Variants in NSD2 observed in about 807,000 individuals in gnomAD.
The protein encoded by NSD2 is nuclear receptor binding SET domain protein 2.
Under a neutral mutation model 139.0 loss-of-function variants are expected in NSD2, and 12 were observed. That is an observed-to-expected ratio of 0.09 (90% CI 0.06 to 0.14). The LOEUF (loss-of-function observed/expected upper bound fraction) is 0.14, where lower values mean the gene tolerates loss of function less well. Ranked by LOEUF, NSD2 falls within the 10% of genes least tolerant of loss-of-function variation. The pLI is 1.00. For missense variants in NSD2, 1,155 were observed against 1,745.0 expected (o/e 0.66, Z 6.02); for synonymous variants, 669 against 648.7 (o/e 1.03, Z -0.48).
intron 7 of NSD2, 50 bp from the exon 8 acceptor site, chr4:1,938,397 TTTTC>T: frequency 1.6e-6 from 2 of 1,270,638 alleles, no homozygotes; most frequent in South Asian, 1.8e-5. Flanking sequence ...CCTTTTTTTC[TTTTC>T]TTTTTTTTTT....
At chr4:1,961,440 C>G (rs1725358414) in intron 18 of NSD2, among the ~76,000 whole-genome samples, 2 of 152,200 alleles carry the variant, frequency 1.3e-5, no homozygotes, top group Non-Finnish European at 2.9e-5. Flanking sequence ...GTAGAGAGGA[C>G]ACAGATGAGG....
At chr4:1,885,129 T>A (rs28361409) in intron 1 of NSD2, among the ~76,000 whole-genome samples, 2 of 150,626 alleles carry the variant, frequency 1.3e-5, no homozygotes, top group African/African-American at 2.5e-5. Context: ...AAAATAAAAA[T>A]AAAAAAAATA....
At chr4:1,882,930 T>A (rs775745761) in intron 1 of NSD2, among the ~76,000 whole-genome samples, 1 of 152,182 alleles carries the variant, frequency 6.6e-6, no homozygotes, top group Non-Finnish European at 1.5e-5. Flanking sequence ...AGCTACTGTC[T>A]GAATTTCCTG....
At chr4:1,901,293 C>T (rs369098444) in intron 2 of NSD2, 42 bp downstream of exon 2, 24 of 1,509,580 alleles carry the variant, frequency 1.6e-5, no homozygotes, top group African/African-American at 5.6e-5. Flanking sequence ...TGACCTTGAG[C>T]AGTGAGCATG....
At position 1,974,368 on chromosome 4, in the gene NSD2, G is replaced by A. The variant is rs924277929; in HGVS notation, c.3373-495G>A. 2.0e-5 allele frequency among the ~76,000 whole-genome samples: 3 copies of A among 151,918 alleles called. No individual in the cohort carries two copies. The highest frequency in any genetic ancestry group is 2.9e-5 in the Non-Finnish European group (2 of 67,982). On this transcript the variant is annotated intron_variant, in intron 18 of 21. Transcript: ENST00000508803. This position sits in a 1 kb window ranked among gnomAD's most constrained non-coding sequence, Gnocchi z 4.0. ...TGAGATTACAGGCAGCCACCACCAC[G>A]CCCAGCTAATTTTTTTTGTATTTTT... is the stretch of plus-strand genomic sequence containing the variant.
intron 1 of NSD2, among the ~76,000 whole-genome samples, chr4:1,878,251 ATTTTTTTTTTTTTTTTTTTT>A (rs71589624): frequency 1.4e-4 from 4 of 29,314 alleles, no homozygotes; most frequent in African/African-American, 5.9e-4. Flanking sequence ...ATATATATAT[ATTTTTTTTTTTTTTTTTTTT>A]TTTTTTTTTT....
At chr4:1,941,794 T>C in intron 9 of NSD2, 2 of 1,050,930 alleles carry the variant, frequency 1.9e-6, no homozygotes, top group South Asian at 9.1e-5. Context: ...CTGTTAAAAC[T>C]ACTTTAGGTG....
intron 9 of NSD2, chr4:1,947,730 C>T: frequency 9.5e-7 from 1 of 1,052,406 alleles, no homozygotes; most frequent in Non-Finnish European, 1.1e-6. Flanking sequence ...TCCTTCTTTA[C>T]AAAACCATCA....
At chr4:1,941,721 A>T in intron 9 of NSD2, 3 of 1,047,120 alleles carry the variant, frequency 2.9e-6, no homozygotes, top group Non-Finnish European at 3.5e-6. Flanking sequence ...GGTCTTTTCC[A>T]TTAAACTACT....
At chr4:1,876,952 G>A (rs1714307493) in intron 1 of NSD2, among the ~76,000 whole-genome samples, 2 of 151,818 alleles carry the variant, frequency 1.3e-5, no homozygotes. Flanking sequence ...CCTGGGAAAT[G>A]TGGTGAAACC....
Position 1,976,395 on chromosome 4 carries a change from A to G in NSD2, c.3622-80A>G, listed in dbSNP as rs1390074586. 3 of 1,475,000 alleles carry G rather than the reference A, an allele frequency of 2.0e-6. No individual in the cohort carries two copies. The highest frequency in any genetic ancestry group is 2.8e-6 in the Non-Finnish European group (3 of 1,081,262). 91.4% of individuals were successfully genotyped at this position (1,475,000 alleles called of 1,614,324 possible). A position where few individuals can be genotyped will look rare whatever the true frequency, so the allele number is the denominator to read the frequency against. ...CTGCAGAGATCTCTGAAGTTCCTGG[A>G]GTGTAGCTCGCTCTTCTGCCCTATT... On this transcript the variant is annotated intron_variant, in intron 20 of 21. Transcript: ENST00000508803. This position sits in a 1 kb window ranked among gnomAD's most constrained non-coding sequence, Gnocchi z 5.3.
In NSD2 at chr4:1,980,249, T is replaced by A. The variant is rs1577600388; in HGVS notation, c.*1340T>A. 1 of 233,182 alleles carries A rather than the reference T, an allele frequency of 4.3e-6. No individual in the cohort carries two copies. The highest frequency in any genetic ancestry group is 6.0e-5 in the East Asian group (1 of 16,582). The allele number at this position is 233,182 out of a possible 1,614,324, so 14.4% of individuals were successfully genotyped here. The stretch of plus-strand genomic sequence containing the variant: ...GAGTGAGACCTATCTATCTGAGTAC[T>A]ACATATGTTTTAAGACTTGGTTCTT... On this transcript the variant is annotated 3_prime_UTR_variant, in exon 22 of 22. Coordinates refer to ENST00000508803, the MANE Select transcript of NSD2 (RefSeq NM_001042424.3).
At chr4:1,933,567 T>G (rs79990672) in intron 6 of NSD2, among the ~76,000 whole-genome samples, 6 of 151,936 alleles carry the variant, frequency 3.9e-5, no homozygotes, top group Admixed American at 3.9e-4. Flanking sequence ...TTTTTTTTTT[T>G]GTATTTTTAG....
chr4:1,928,760 G>A (rs967633074), intron 5 of NSD2, among the ~76,000 whole-genome samples: 1 of 152,088 alleles, frequency 6.6e-6, no homozygotes, highest in Admixed American at 6.5e-5. Flanking sequence ...GGGTGGGAGG[G>A]CAGCAGGCCC....
chr4:1,928,095 A>G (rs1459690903), intron 5 of NSD2, among the ~76,000 whole-genome samples: 2 of 148,436 alleles, frequency 1.3e-5, no homozygotes, highest in Non-Finnish European at 1.5e-5. Flanking sequence ...TTCAAACACG[A>G]TCTTTCTCTG....
At chr4:1,899,143 G>A (rs981379949) in intron 1 of NSD2, 4 of 152,224 alleles carry the variant, frequency 2.6e-5, no homozygotes, top group African/African-American at 4.8e-5. Flanking sequence ...GTTGTCCAGA[G>A]CACATGAAGC....
intron 1 of NSD2, among the ~76,000 whole-genome samples, chr4:1,872,668 G>A: frequency 7.3e-6 from 1 of 137,228 alleles, no homozygotes; most frequent in African/African-American, 2.6e-5. Context: ...AGACTAATTG[G>A]ATAAAGTTCA....
chr4:1,956,337 GT>G lies in NSD2; in HGVS notation c.2881+152del. On this transcript the variant is annotated intron_variant, in intron 15 of 21. Coordinates refer to ENST00000508803, the MANE Select transcript of NSD2 (RefSeq NM_001042424.3). The surrounding 1 kb of genome is among the most constrained non-coding windows in gnomAD (Gnocchi z 5.3). ...AAATTAGGAAAATGTTTGCAGTCTGGTTTATTTGTTGAGCATAGAATAAGAT... is the reference window on the plus strand; with the variant it reads ...AAATTAGGAAAATGTTTGCAGTCTGGTTATTTGTTGAGCATAGAATAAGAT... The G allele has an allele frequency of 1.5e-6, 1 of 677,786 alleles. No individual in the cohort carries two copies. 42.0% of individuals were successfully genotyped at this position (677,786 alleles called of 1,614,324 possible). A position where few individuals can be genotyped will look rare whatever the true frequency, so the allele number is the denominator to read the frequency against.
chr4:1,941,858 T>C, intron 9 of NSD2: 5 of 1,059,146 alleles, frequency 4.7e-6, no homozygotes, highest in Non-Finnish European at 5.7e-6. Context: ...AGTAAATGTT[T>C]GTGATGTTTC....
Sources: allele counts gnomAD v4.1 joint callset (sites outside exome capture counted in the v4.1 genomes callset), GRCh38; gene constraint gnomAD v4.1.1; non-coding constraint Gnocchi (gnomAD v3.1); transcripts MANE v1.5; gene names NCBI Gene and HGNC (gene_info 2026-07-23, HGNC 2026-07-21).